Variants in HIBADH observed in about 807,000 individuals in gnomAD.
HIBADH encodes 3-hydroxyisobutyrate dehydrogenase, also known as 3-hydroxyisobutyrate dehydrogenase, mitochondrial.
In HIBADH, 25 loss-of-function variants were observed where a neutral mutation model predicts 36.1. The ratio of observed to expected loss-of-function variants is 0.69; its 90% CI spans 0.50 to 0.97. HIBADH has a LOEUF of 0.97. Among genes scored for constraint, HIBADH ranks in the 50% least tolerant of loss-of-function variants. The probability of loss-of-function intolerance (pLI) is 0.00; values close to 1 mark genes in which losing one functional copy is unlikely to be tolerated. For synonymous variants in HIBADH, 160 were observed against 149.5 expected (o/e 1.07, Z -0.51); for missense variants, 421 against 418.0 (o/e 1.01, Z -0.06).
intron 4 of HIBADH, among the ~76,000 whole-genome samples, chr7:27,569,000 G>A (rs2128187790): frequency 6.6e-6 from 1 of 150,604 alleles, no homozygotes; most frequent in Non-Finnish European, 1.5e-5. Flanking sequence ...TATTATCTCA[G>A]GGGATCCCAA....
intron 4 of HIBADH, among the ~76,000 whole-genome samples, chr7:27,584,535 CT>C (rs1406036288): frequency 6.6e-6 from 1 of 152,056 alleles, no homozygotes; most frequent in Admixed American, 6.5e-5. Context: ...GTAAGACTCA[CT>C]TTTTTCTTTC....
intron 4 of HIBADH, among the ~76,000 whole-genome samples, chr7:27,549,454 G>T (rs1303097253): frequency 6.6e-6 from 1 of 151,958 alleles, no homozygotes; most frequent in Non-Finnish European, 1.5e-5. Context: ...AATAAAAAAA[G>T]AAACCATAGT....
chr7:27,575,259 C>A (rs1302538717), intron 4 of HIBADH, among the ~76,000 whole-genome samples: 1 of 152,148 alleles, frequency 6.6e-6, no homozygotes, highest in East Asian at 1.9e-4. Flanking sequence ...GAGACCCTAA[C>A]CTGTCATGGT....
intron 4 of HIBADH, among the ~76,000 whole-genome samples, chr7:27,567,804 T>A (rs552730327): frequency 6.6e-6 from 1 of 152,330 alleles, no homozygotes; most frequent in East Asian, 1.9e-4. Flanking sequence ...GTATTACATT[T>A]ACATATATAG....
chr7:27,614,246 T>C (rs962486377), intron 4 of HIBADH, among the ~76,000 whole-genome samples: 1 of 152,176 alleles, frequency 6.6e-6, no homozygotes, highest in African/African-American at 2.4e-5. Context: ...ACTAAATTGA[T>C]CATAATCACA....
intron 4 of HIBADH, among the ~76,000 whole-genome samples, chr7:27,553,017 G>T (rs776790523): frequency 1.3e-5 from 2 of 152,094 alleles, no homozygotes; most frequent in East Asian, 3.9e-4. Context: ...ACCTATATAC[G>T]ATTGTGAAAC....
At chr7:27,530,932 GCACACA>G (rs371803902) in intron 7 of HIBADH, among the ~76,000 whole-genome samples, 8 of 150,768 alleles carry the variant, frequency 5.3e-5, no homozygotes, top group Admixed American at 2.7e-4. Context: ...ACCCAAGTGC[GCACACA>G]CACACACACG....
At chr7:27,656,993 C>A (rs1478756801) in intron 1 of HIBADH, among the ~76,000 whole-genome samples, 2 of 152,190 alleles carry the variant, frequency 1.3e-5, no homozygotes, top group African/African-American at 4.8e-5. Flanking sequence ...TTCAAACTGT[C>A]TAAACTAATA....
At chr7:27,581,995 T>A (rs1447419677) in intron 4 of HIBADH, among the ~76,000 whole-genome samples, 1 of 152,142 alleles carries the variant, frequency 6.6e-6, no homozygotes, top group South Asian at 2.1e-4. Context: ...AAATAAGAGA[T>A]GCTTGTTTTC....
intron 2 of HIBADH, among the ~76,000 whole-genome samples, chr7:27,634,129 A>G (rs1448548192): frequency 6.6e-6 from 1 of 152,208 alleles, no homozygotes; most frequent in Non-Finnish European, 1.5e-5. Flanking sequence ...AAATTTCAGT[A>G]AATCAAGTAT....
chr7:27,638,670 G>A (rs1583613385), intron 2 of HIBADH, among the ~76,000 whole-genome samples: 2 of 151,788 alleles, frequency 1.3e-5, no homozygotes, highest in East Asian at 3.9e-4. Flanking sequence ...CCTACCTAAT[G>A]GGAGAAAATG....
rs1785121926 is a variant in HIBADH at position 27,601,017 on chromosome 7, A to C, written c.484+28354T>G. Among the ~76,000 whole-genome samples the C allele has an allele frequency of 2.0e-5, 3 of 152,184 alleles. No individual in the cohort carries two copies. In the South Asian group the frequency reaches 6.2e-4, roughly 31 times the overall value. ...TAGCATTTCGTACTTTGGATACTTG[A>C]TCTTTGCAAAATTCAGACAAACACT... On this transcript the variant is annotated intron_variant, in intron 4 of 7. Coordinates refer to ENST00000265395, the MANE Select transcript of HIBADH (RefSeq NM_152740.4).
intron 4 of HIBADH, among the ~76,000 whole-genome samples, chr7:27,551,094 A>G (rs1157269411): frequency 2.0e-5 from 3 of 152,158 alleles, no homozygotes; most frequent in Non-Finnish European, 4.4e-5. Context: ...TAACATGTAC[A>G]CAATATATAC....
At chr7:27,580,516 A>G (rs934568887) in intron 4 of HIBADH, among the ~76,000 whole-genome samples, 3 of 152,218 alleles carry the variant, frequency 2.0e-5, no homozygotes, top group African/African-American at 7.2e-5. Context: ...TTAAATGAAC[A>G]TTGTAAGATG....
chr7:27,597,561 CA>C lies in HIBADH; in HGVS notation c.484+31809del, dbSNP rs139851050. On this transcript the variant is annotated intron_variant, in intron 4 of 7. Coordinates refer to ENST00000265395, the MANE Select transcript of HIBADH (RefSeq NM_152740.4). ...TATAAGAGGCACTACCAGAATCCCCCAAACCAGACTCCTTTGCATCCTGTAT... is the reference window on the plus strand; with the variant it reads ...TATAAGAGGCACTACCAGAATCCCCCAACCAGACTCCTTTGCATCCTGTAT... 8.9e-3 allele frequency among the ~76,000 whole-genome samples: 1,359 copies of C among 152,184 alleles called. 20 individuals are homozygous for C. Among genetic ancestry groups the C allele is most frequent in the African/African-American group, 0.031 (1,291 of 41,506 alleles).
chr7:27,612,947 A>AT (rs1452418660), intron 4 of HIBADH, among the ~76,000 whole-genome samples: 3 of 139,860 alleles, frequency 2.1e-5, no homozygotes, highest in East Asian at 2.0e-4. Flanking sequence ...TCTCCAAAAA[A>AT]ATATATATAT....
intron 4 of HIBADH, among the ~76,000 whole-genome samples, chr7:27,584,882 T>C (rs1027763527): frequency 6.6e-6 from 1 of 152,076 alleles, no homozygotes; most frequent in Non-Finnish European, 1.5e-5. Flanking sequence ...GCACCATGAG[T>C]ATTATTACTC....
chr7:27,586,367 A>T (rs955897437), intron 4 of HIBADH, among the ~76,000 whole-genome samples: 2 of 137,790 alleles, frequency 1.5e-5, no homozygotes, highest in Non-Finnish European at 3.1e-5. Context: ...ACAGGGAGAG[A>T]GAGAAGGAAG....
At chr7:27,650,367 AC>A (rs1256221384) in intron 1 of HIBADH, among the ~76,000 whole-genome samples, 2 of 151,754 alleles carry the variant, frequency 1.3e-5, no homozygotes, top group Non-Finnish European at 2.9e-5. Context: ...AAGGGGAGAT[AC>A]CTCCATAGGC....
Sources: allele counts gnomAD v4.1 joint callset (sites outside exome capture counted in the v4.1 genomes callset), GRCh38; gene constraint gnomAD v4.1.1; transcripts MANE v1.5; gene names NCBI Gene and HGNC (gene_info 2026-07-23, HGNC 2026-07-21).